The following REPIN1 variants were observed in gnomAD, a reference collection of about 807,000 sequenced individuals.
The protein encoded by REPIN1 is DNA-binding protein REPIN1.
In REPIN1, 4 loss-of-function variants were observed where a neutral mutation model predicts 5.7. The observed-to-expected ratio is 0.71, with a 90% confidence interval of 0.35 to 1.62. The LOEUF (loss-of-function observed/expected upper bound fraction) is 1.62, where lower values mean the gene tolerates loss of function less well. Among genes scored for constraint, REPIN1 ranks in the 40% most tolerant of loss-of-function variants. The probability of loss-of-function intolerance (pLI) is 0.05; values close to 1 mark genes in which losing one functional copy is unlikely to be tolerated. For missense variants in REPIN1, 854 were observed against 901.0 expected (o/e 0.95, Z 0.67); for synonymous variants, 410 against 386.2 (o/e 1.06, Z -0.72).
Position 150,371,934 on chromosome 7 carries a change from C to G in REPIN1, c.864C>G (p.Ala288=), listed in dbSNP as rs766446892. 1.9e-6 allele frequency: 3 copies of G among 1,608,100 alleles called. No homozygotes were observed. The highest frequency in any genetic ancestry group is 2.2e-5 in the East Asian group (1 of 44,750). ...CCGCCCCCCGGCCCGGTGGAGATGC[C>G]GTCGACCGCCCCTTCCAGTGTGCCT... ...AVTAPRPGGD[A]VDRPFQCACC... is the part of the protein sequence containing the mutation. The change falls in exon 3 of 3, where the codon GCC becomes GCG. Residue 288 remains alanine, a synonymous_variant. Transcript: ENST00000489432.
At chr7:150,369,929 C>G in intron 2 of REPIN1, 61 bp downstream of exon 2, 1 of 1,520,986 alleles carries the variant, frequency 6.6e-7, no homozygotes, top group Non-Finnish European at 8.8e-7. Flanking sequence ...ACGGGCGTCC[C>G]CATCCCGGCG....
In REPIN1 at chr7:150,371,370, G is replaced by A. The variant is rs746835103; in HGVS notation, c.300G>A (p.Thr100=). The A allele has an allele frequency of 2.5e-6, 4 of 1,592,902 alleles. No homozygotes were observed. The Admixed American group carries it at 5.2e-5, about 21-fold the overall frequency. ...CCCGCGGGCTGAGGCAACAAGGCAC[G>A]TCAGTGGCCCAGTCTGGTGCCCAAG... The part of the protein sequence containing the change: ...KESRGLRQQG[T]SVAQSGAQAP... Residue 100 remains threonine, a synonymous_variant, in exon 3 of 3, where the codon ACG becomes ACA. Transcript: ENST00000489432.
In REPIN1 at chr7:150,369,727, T is replaced by C. The variant is rs1799341243; in HGVS notation, c.16T>C (p.Ser6Pro). The change falls in exon 2 of 3, where the codon TCT becomes CCT. Residue 6 changes from serine (S) to proline (P), a missense_variant. Transcript: ENST00000489432. MGIGV[S>P]LLLQFSLTPG... is the part of the protein sequence containing the mutation. ...GAGCTCTGCCATGGGGATAGGGGTG[T>C]CTTTATTACTGCAGTTTTCTCTAAC... 2 of 1,613,758 alleles carry C rather than the reference T, an allele frequency of 1.2e-6. No homozygotes were observed. The highest frequency in any genetic ancestry group is 1.7e-5 in the Admixed American group (1 of 60,002).
At chr7:150,370,526 G>A (rs7803954) in intron 2 of REPIN1, 12 of 541,722 alleles carry the variant, frequency 2.2e-5, no homozygotes, top group East Asian at 1.9e-4. Context: ...AGCCTCCTAC[G>A]GAGACTGCAG....
chr7:150,371,774 T>C lies in REPIN1; in HGVS notation c.704T>C (p.Ile235Thr). The change falls in exon 3 of 3, where the codon ATA becomes ACA. Residue 235 changes from isoleucine (I) to threonine (T), a missense_variant. Physicochemically the swap from Ile to Thr is moderately conservative, Grantham distance 89 (BLOSUM62 -1). Transcript: ENST00000489432. ...HPPAPEARPF[I>T]CGNCGRSFAQ... The stretch of plus-strand genomic sequence containing the variant: ...CCCGCCCCGGAGGCCCGGCCCTTCA[T>C]ATGCGGCAACTGTGGCCGGAGCTTT... The C allele has an allele frequency of 1.2e-6, 2 of 1,611,642 alleles. No individual in the cohort carries two copies. The highest frequency in any genetic ancestry group is 1.7e-6 in the Non-Finnish European group (2 of 1,179,720).
upstream of REPIN1, chr7:150,368,429 C>T (rs1799051198): frequency 6.6e-6 from 1 of 151,944 alleles, no homozygotes; most frequent in South Asian, 2.1e-4. Flanking sequence ...TTGCCGGAGC[C>T]CTCTTTGAAG....
rs1799633632 is a variant in REPIN1, at chr7:150,370,950, G to A, written c.158-278G>A. ...AGCATTTACTCCCTGTCTGACACTG[G>A]GGTAGCTGCCATGAGGGGGATTCTA... On this transcript the variant is annotated intron_variant, in intron 2 of 2. Coordinates refer to ENST00000489432, the MANE Select transcript of REPIN1 (RefSeq NM_001099695.2). 7.5e-6 allele frequency: 5 copies of A among 669,404 alleles called. No individual in the cohort carries two copies. In the Admixed American group the frequency reaches 1.1e-4, roughly 14 times the overall value. The allele number at this position is 669,404 out of a possible 1,614,324, so 41.5% of individuals were successfully genotyped here.
In REPIN1 at chr7:150,371,255, G is replaced by T; in HGVS notation, c.185G>T (p.Arg62Leu). 1 of 1,599,904 alleles carries T rather than the reference G, an allele frequency of 6.3e-7. No homozygotes were observed. The highest frequency in any genetic ancestry group is 1.1e-5 in the South Asian group (1 of 89,592). Residue 62 changes from arginine to leucine, a missense_variant, in exon 3 of 3, where the codon CGT becomes CTT. By Grantham distance (102) the Arg-to-Leu change is moderately radical (BLOSUM62 -2). Around this residue, in one of 5 missense-constraint regions of REPIN1, gnomAD observed 409 missense variants for 418.6 expected, o/e 0.98. Transcript: ENST00000489432. The stretch of plus-strand genomic sequence containing the variant: ...GAGGAAGAACCGATGCTGGAACGTC[G>T]TTGCAGGGGCCCCCTGGCCATGGGC... The part of the protein sequence containing the change: ...QAEEEPMLER[R>L]CRGPLAMGLA...
In REPIN1 at chr7:150,372,047, G is replaced by A; in HGVS notation, c.977G>A (p.Cys326Tyr). 4 of 1,612,368 alleles carry A rather than the reference G, an allele frequency of 2.5e-6. No homozygotes were observed. Among genetic ancestry groups the A allele is most frequent in the Non-Finnish European group, 3.4e-6 (4 of 1,179,726 alleles). The stretch of plus-strand genomic sequence containing the variant: ...GAGCGGCCCCACCAGTGCCCCGAGT[G>A]CGGGAAGCGCTTTACCAATAAGCCC... ...TGERPHQCPE[C>Y]GKRFTNKPYL... The change falls in exon 3 of 3, where the codon TGC (cysteine) becomes TAC (tyrosine). Residue 326 changes from cysteine (C) to tyrosine (Y), a missense_variant. By Grantham distance (194) the Cys-to-Tyr change is radical. This residue lies in a region of REPIN1 where 327 missense variants were observed against 307.8 expected (regional missense o/e 1.06). Coordinates refer to ENST00000489432, the MANE Select transcript of REPIN1 (RefSeq NM_001099695.2).
At chr7:150,369,451 G>C (rs555561589) in intron 1 of REPIN1, 4 of 528,172 alleles carry the variant, frequency 7.6e-6, no homozygotes, top group South Asian at 6.2e-5. Flanking sequence ...TACCAGGGAA[G>C]AAAGTGACCC....
Position 150,372,888 on chromosome 7 carries a change from C to G in REPIN1, c.1818C>G (p.Gly606=). 1.2e-6 allele frequency: 2 copies of G among 1,613,370 alleles called. No individual in the cohort carries two copies. The highest frequency in any genetic ancestry group is 1.7e-6 in the Non-Finnish European group (2 of 1,180,016). The part of the protein sequence containing the change: ...RDGAFCCAIC[G]QTFDDEERLL... ...GCGCCTTCTGCTGTGCCATCTGTGG[C>G]CAGACCTTCGACGACGAGGAGAGAC... The change falls in exon 3 of 3, where the codon GGC becomes GGG. Residue 606 remains glycine (G), a synonymous_variant. Coordinates refer to ENST00000489432, the MANE Select transcript of REPIN1 (RefSeq NM_001099695.2).
At position 150,369,682 on chromosome 7, in the gene REPIN1, C is replaced by T. The variant is rs1001740394; in HGVS notation, c.-30C>T. 7 of 1,613,588 alleles carry T rather than the reference C, an allele frequency of 4.3e-6. No individual in the cohort carries two copies. In the Admixed American group the frequency reaches 6.7e-5, roughly 15 times the overall value. On this transcript the variant is annotated 5_prime_UTR_variant, in exon 2 of 3. Transcript: ENST00000489432. ...TTCCCTCCCCACAGGTAAGGCTGGC[C>T]TCTCTGCAGTCAGAGGTCTGAGCTC... is the stretch of plus-strand genomic sequence containing the variant.
Position 150,373,949 on chromosome 7 carries a change from C to T in REPIN1, c.*1004C>T, listed in dbSNP as rs1346117575. The T allele has an allele frequency of 6.0e-6, 1 of 167,070 alleles. No individual in the cohort carries two copies. Among genetic ancestry groups the T allele is most frequent in the Non-Finnish European group, 1.5e-5 (1 of 68,126 alleles). The allele number at this position is 167,070 out of a possible 1,614,324, so 10.3% of individuals were successfully genotyped here. Reference sequence around the variant, plus strand: ...GAATTCTGCTTTCCTATAATTTCTACCTATTGGGCCTTGTTCTGTTCTCTG... The same window carrying T: ...GAATTCTGCTTTCCTATAATTTCTATCTATTGGGCCTTGTTCTGTTCTCTG... On this transcript the variant is annotated 3_prime_UTR_variant, in exon 3 of 3. Coordinates refer to ENST00000489432, the MANE Select transcript of REPIN1 (RefSeq NM_001099695.2).
chr7:150,371,840 T>G lies in REPIN1; in HGVS notation c.770T>G (p.Val257Gly). 1 of 1,607,426 alleles carries G rather than the reference T, an allele frequency of 6.2e-7. No homozygotes were observed. Among genetic ancestry groups the G allele is most frequent in the Non-Finnish European group, 8.5e-7 (1 of 1,177,510 alleles). Residue 257 changes from valine to glycine, a missense_variant, in exon 3 of 3, where the codon GTA (valine) becomes GGA (glycine). Val to Gly is a moderately radical substitution (Grantham distance 109). Transcript: ENST00000489432. ...CTAGTTGCCCACAAGCGGGTGCACG[T>G]AGCTGAGGCCCTGGAGGAGGCCGCA... Reference protein sequence around the residue: ...DQLVAHKRVHVAEALEEAAAK... With the variant: ...DQLVAHKRVHGAEALEEAAAK...
Position 150,372,803 on chromosome 7 carries a change from A to G in REPIN1, c.1733A>G (p.Asp578Gly), listed in dbSNP as rs1423297890. The change falls in exon 3 of 3, where the codon GAC becomes GGC. Residue 578 changes from aspartate to glycine, a missense_variant. This residue lies in a region of REPIN1 where 101 missense variants were observed against 124.7 expected (regional missense o/e 0.81). Transcript: ENST00000489432. Reference sequence around the variant, plus strand: ...CGGCCCTACGCCTGTCCCGACTGCGACCGCAGCTTCAGCCAGAAGTCCAAC... The same window carrying G: ...CGGCCCTACGCCTGTCCCGACTGCGGCCGCAGCTTCAGCCAGAAGTCCAAC... ...GERPYACPDC[D>G]RSFSQKSNLI... is the part of the protein sequence containing the mutation. 1 of 1,612,212 alleles carries G rather than the reference A, an allele frequency of 6.2e-7. No individual in the cohort carries two copies.
chr7:150,371,905 G>A lies in REPIN1; in HGVS notation c.835G>A (p.Val279Met). The A allele has an allele frequency of 3.1e-6, 5 of 1,607,916 alleles. No homozygotes were observed. The highest frequency in any genetic ancestry group is 4.2e-6 in the Non-Finnish European group (5 of 1,178,402). ...LGPRPRGRPAVTAPRPGGDAV... is the reference protein window; with the variant it reads ...LGPRPRGRPAMTAPRPGGDAV... ...GCCCCGGCCCAGGGGCCGCCCCGCG[G>A]TGACCGCCCCCCGGCCCGGTGGAGA... Residue 279 changes from valine (V) to methionine (M), a missense_variant, in exon 3 of 3, where the codon GTG (valine) becomes ATG (methionine). Val to Met is a conservative substitution (Grantham distance 21, BLOSUM62 1). Around this residue, in one of 5 missense-constraint regions of REPIN1, gnomAD observed 409 missense variants for 418.6 expected, o/e 0.98. Coordinates refer to ENST00000489432, the MANE Select transcript of REPIN1 (RefSeq NM_001099695.2).
rs1234833571 is a variant in REPIN1 at position 150,371,700 on chromosome 7, C to T, written c.630C>T (p.Arg210=). Residue 210 remains arginine, a synonymous_variant, in exon 3 of 3, where the codon CGC becomes CGT. Transcript: ENST00000489432. ...RPIACPKCER[R]FWRRKQLRAH... is the part of the protein sequence containing the mutation. ...TCGCTTGTCCCAAATGCGAGAGACGCTTCTGGCGACGAAAGCAGCTTCGAG... is the reference window on the plus strand; with the variant it reads ...TCGCTTGTCCCAAATGCGAGAGACGTTTCTGGCGACGAAAGCAGCTTCGAG... 5 of 1,606,798 alleles carry T rather than the reference C, an allele frequency of 3.1e-6. No individual in the cohort carries two copies.
chr7:150,371,839 G>C lies in REPIN1; in HGVS notation c.769G>C (p.Val257Leu), dbSNP rs776287896. The change falls in exon 3 of 3, where the codon GTA becomes CTA. Residue 257 changes from valine (V) to leucine (L), a missense_variant. Transcript: ENST00000489432. The part of the protein sequence containing the change: ...DQLVAHKRVH[V>L]AEALEEAAAK... Reference sequence around the variant, plus strand: ...GCTAGTTGCCCACAAGCGGGTGCACGTAGCTGAGGCCCTGGAGGAGGCCGC... The same window carrying C: ...GCTAGTTGCCCACAAGCGGGTGCACCTAGCTGAGGCCCTGGAGGAGGCCGC... The C allele has an allele frequency of 1.2e-6, 2 of 1,607,142 alleles. No homozygotes were observed. The highest frequency in any genetic ancestry group is 2.2e-5 in the South Asian group (2 of 90,400).
In REPIN1 at chr7:150,372,114, C is replaced by G. The variant is rs1221151168; in HGVS notation, c.1044C>G (p.Pro348=). 2.5e-6 allele frequency: 4 copies of G among 1,612,214 alleles called. No homozygotes were observed. The highest frequency in any genetic ancestry group is 3.4e-6 in the Non-Finnish European group (4 of 1,179,668). The change falls in exon 3 of 3, where the codon CCC becomes CCG. Residue 348 remains proline (P), a synonymous_variant. Transcript: ENST00000489432. The part of the protein sequence containing the change: ...SHRRIHTGEK[P]YPCKECGRRF... ...GGCGCATCCACACCGGCGAGAAGCC[C>G]TACCCGTGCAAAGAGTGCGGCCGCC...
Sources: gnomAD v4.1 joint callset for allele counts on GRCh38, gnomAD v4.1.1 for gene constraint, gnomAD v4.1.1 regional missense constraint, MANE v1.5 for transcripts, NCBI Gene and HGNC (gene_info 2026-07-23, HGNC 2026-07-21) for gene names.